ALDH1A3: variants seen among roughly 807,000 people sequenced by gnomAD.
ALDH1A3 encodes the protein retinaldehyde dehydrogenase 3.
A neutral mutation model predicts 57.5 loss-of-function variants in ALDH1A3; 28 were observed. The ratio of observed to expected loss-of-function variants is 0.49; its 90% CI spans 0.36 to 0.67. ALDH1A3 has a LOEUF of 0.67. Among genes scored for constraint, ALDH1A3 ranks in the 30% least tolerant of loss-of-function variants. ALDH1A3 has a pLI of 0.00. For synonymous variants in ALDH1A3, 281 were observed against 264.8 expected (o/e 1.06, Z -0.59); for missense variants, 507 against 669.4 (o/e 0.76, Z 2.68).
rs78116046 is a variant in ALDH1A3, at chr15:100,884,022, T to C, written c.100-1245T>C. On this transcript the variant is annotated intron_variant, in intron 1 of 12. Coordinates refer to ENST00000329841, the MANE Select transcript of ALDH1A3 (RefSeq NM_000693.4). ...AGATAGATGTAAAAACGGAACCTGA[T>C]GAACTAATTCTGTACTCAGAAATTA... Among the ~76,000 whole-genome samples the C allele has an allele frequency of 1.2e-3, 184 of 152,362 alleles. 1 individual carries two copies. The highest frequency in any genetic ancestry group is 0.01 in the Middle Eastern group (3 of 294).
chr15:100,900,147 T>G (rs971260005), intron 8 of ALDH1A3, among the ~76,000 whole-genome samples: 2 of 152,232 alleles, frequency 1.3e-5, no homozygotes, highest in Admixed American at 1.3e-4. Flanking sequence ...AGACCCTTCT[T>G]TTACTCAAGG....
intron 1 of ALDH1A3, 122 bp downstream of exon 1, chr15:100,880,128 C>CAGGGAGGCTCGGGT: frequency 1.6e-6 from 1 of 607,482 alleles, no homozygotes. Flanking sequence ...GAGACCCGAG[C>CAGGGAGGCTCGGGT]CTCCCTGCCC....
At position 100,896,016 on chromosome 15, in the gene ALDH1A3, C is replaced by T. The variant is rs373589695; in HGVS notation, c.750C>T (p.Ile250=). 6 of 1,612,734 alleles carry T rather than the reference C, an allele frequency of 3.7e-6. No individual in the cohort carries two copies. The highest frequency in any genetic ancestry group is 2.7e-5 in the African/African-American group (2 of 74,906). Residue 250 remains isoleucine (I), a synonymous_variant, in exon 7 of 13, where the codon ATC becomes ATT. Transcript: ENST00000329841. ...CAGCAATTTCTTCTCACCCTCAGAT[C>T]AACAAGATCGCCTTCACCGGCTCCA... is the stretch of plus-strand genomic sequence containing the variant. The part of the protein sequence containing the change: ...VGAAISSHPQ[I]NKIAFTGSTE...
chr15:100,913,727 G>A (rs1314285466), intron 12 of ALDH1A3: 10 of 152,272 alleles, frequency 6.6e-5, no homozygotes, highest in Non-Finnish European at 1.3e-4. Flanking sequence ...TAGGGCTGGG[G>A]GAGGCCTGAG....
At chr15:100,911,309 GC>G (rs1345943465) in intron 12 of ALDH1A3, among the ~76,000 whole-genome samples, 1 of 152,238 alleles carries the variant, frequency 6.6e-6, no homozygotes, top group Non-Finnish European at 1.5e-5. Context: ...CCACCCACGG[GC>G]CCCTCCGGGA....
intron 3 of ALDH1A3, among the ~76,000 whole-genome samples, chr15:100,890,198 G>A (rs528326525): frequency 4.6e-5 from 7 of 152,294 alleles, no homozygotes; most frequent in South Asian, 2.1e-4. Flanking sequence ...AAGCCCTGCC[G>A]TGCTGTTTTC....
chr15:100,897,730 T>C (rs778308294), intron 7 of ALDH1A3, among the ~76,000 whole-genome samples: 14 of 152,236 alleles, frequency 9.2e-5, no homozygotes, highest in Non-Finnish European at 1.9e-4. Context: ...CCTGAAGCCC[T>C]TTACCAGACT....
intron 6 of ALDH1A3, chr15:100,895,622 C>T (rs144963761): frequency 2.3e-4 from 91 of 389,528 alleles, no homozygotes; most frequent in African/African-American, 1.4e-3. Flanking sequence ...GTGCTACAGG[C>T]GGGCCATGGC....
rs371987999 is a variant in ALDH1A3 at position 100,914,807 on chromosome 15, C to A, written c.*34C>A. The A allele has an allele frequency of 3.6e-5, 57 of 1,601,654 alleles. No individual in the cohort carries two copies. The African/African-American group carries it at 6.4e-4, about 18-fold the overall frequency. On this transcript the variant is annotated 3_prime_UTR_variant, in exon 13 of 13. Transcript: ENST00000329841. Reference sequence around the variant, plus strand: ...CGGGGCTCCTTCCTCAAACATCGGACGGCGGAATGTGGCAGATGAAATGTG... The same window carrying A: ...CGGGGCTCCTTCCTCAAACATCGGAAGGCGGAATGTGGCAGATGAAATGTG...
chr15:100,909,984 G>A (rs926044486), intron 12 of ALDH1A3, among the ~76,000 whole-genome samples: 8 of 152,218 alleles, frequency 5.3e-5, no homozygotes, highest in Non-Finnish European at 1.2e-4. Context: ...AGACTCAAAC[G>A]CTTCCCCTCA....
At chr15:100,912,747 T>A (rs1241517602) in intron 12 of ALDH1A3, among the ~76,000 whole-genome samples, 1 of 152,328 alleles carries the variant, frequency 6.6e-6, no homozygotes, top group South Asian at 2.1e-4. Flanking sequence ...GTTTTCCTAT[T>A]TGATAGTTGA....
Position 100,885,290 on chromosome 15 carries a change from C to A in ALDH1A3, c.123C>A (p.His41Gln). The A allele has an allele frequency of 1.9e-6, 3 of 1,613,390 alleles. No individual in the cohort carries two copies. Among genetic ancestry groups the A allele is most frequent in the Non-Finnish European group, 2.5e-6 (3 of 1,179,370 alleles). The change falls in exon 2 of 13, where the codon CAC (histidine) becomes CAA (glutamine). Residue 41 changes from histidine (H) to glutamine (Q), a missense_variant. Transcript: ENST00000329841. ...AGATATTTATCAACAATGAATGGCA[C>A]GAATCCAAGAGTGGGAAAAAGTTTG... ...FTKIFINNEW[H>Q]ESKSGKKFAT... is the part of the protein sequence containing the mutation.
At chr15:100,885,671 T>TTA (rs1567167563) in intron 2 of ALDH1A3, among the ~76,000 whole-genome samples, 2 of 151,058 alleles carry the variant, frequency 1.3e-5, no homozygotes, top group South Asian at 2.1e-4. Flanking sequence ...TTTTTTTTTT[T>TTA]ATCAATTATT....
At chr15:100,910,367 C>A (rs2041870888) in intron 12 of ALDH1A3, among the ~76,000 whole-genome samples, 1 of 152,248 alleles carries the variant, frequency 6.6e-6, no homozygotes, top group African/African-American at 2.4e-5. Flanking sequence ...ACTTCTTACA[C>A]CTGCCCCTCC....
rs3825926 is a variant in ALDH1A3 at position 100,905,236 on chromosome 15, C to T, written c.1069-287C>T. Among the ~76,000 whole-genome samples the T allele has an allele frequency of 0.02, 3,105 of 152,324 alleles. 51 individuals are homozygous for T. The highest frequency in any genetic ancestry group is 0.067 in the East Asian group (346 of 5,178). On this transcript the variant is annotated intron_variant, in intron 9 of 12. Transcript: ENST00000329841. ...GTGACCACTTCAGACCTGTGTCACT[C>T]ATGGACTAACTTTGCTGCATGGAAA...
chr15:100,891,972 G>C (rs921421034), intron 3 of ALDH1A3: 1 of 157,064 alleles, frequency 6.4e-6, no homozygotes, highest in Non-Finnish European at 1.4e-5. Context: ...TGCTGGGGGC[G>C]CGACCCTTCT....
At chr15:100,886,643 G>A (rs1370514489) in intron 2 of ALDH1A3, among the ~76,000 whole-genome samples, 2 of 152,278 alleles carry the variant, frequency 1.3e-5, no homozygotes, top group Non-Finnish European at 2.9e-5. Context: ...GAGGCATGGA[G>A]GGGCCTTCGA....
chr15:100,910,297 T>C (rs900316604), intron 12 of ALDH1A3, among the ~76,000 whole-genome samples: 1 of 152,250 alleles, frequency 6.6e-6, no homozygotes, highest in Non-Finnish European at 1.5e-5. Flanking sequence ...TTTGCAGAAA[T>C]TGCATTTCCT....
intron 1 of ALDH1A3, among the ~76,000 whole-genome samples, chr15:100,884,052 C>T (rs755681971): frequency 9.2e-5 from 14 of 152,190 alleles, no homozygotes; most frequent in East Asian, 1.9e-4. Flanking sequence ...AAATTACTGA[C>T]GGCATTTTAC....
Sources: gnomAD v4.1 joint callset for allele counts (sites outside exome capture counted in the v4.1 genomes callset) on GRCh38, gnomAD v4.1.1 for gene constraint, MANE v1.5 for transcripts, NCBI Gene and HGNC (gene_info 2026-07-23, HGNC 2026-07-21) for gene names.